The following ATP5F1E variants were observed in gnomAD, a reference collection of about 807,000 sequenced individuals.
ATP5F1E encodes ATP synthase F1 subunit epsilon.
Under a neutral mutation model 7.0 loss-of-function variants are expected in ATP5F1E, and 5 were observed. That is an observed-to-expected ratio of 0.71 (90% CI 0.37 to 1.49). ATP5F1E has a LOEUF of 1.49. ATP5F1E is among the 40% of genes most tolerant of loss of function. The pLI, the probability that ATP5F1E is intolerant of heterozygous loss-of-function variation, is 0.03. For missense variants in ATP5F1E, 59 were observed against 57.1 expected, an observed-to-expected ratio of 1.03 and a Z score of -0.11; for synonymous variants, 20 against 20.1, an observed-to-expected ratio of 0.99 and a Z score of 0.02.
chr20:59,030,548 A>G, intron 1 of ATP5F1E, 119 bp from the exon 2 acceptor site: 1 of 1,305,328 alleles, frequency 7.7e-7, no homozygotes, highest in Non-Finnish European at 1.1e-6. Flanking sequence ...ACCTTATTGT[A>G]GAATTGGATT....
At chr20:59,031,127 G>A (rs965766805) in intron 1 of ATP5F1E, among the ~76,000 whole-genome samples, 7 of 152,188 alleles carry the variant, frequency 4.6e-5, no homozygotes, top group African/African-American at 1.4e-4. Flanking sequence ...GAAGCGGGGA[G>A]GGGTGCTATT....
intron 1 of ATP5F1E, among the ~76,000 whole-genome samples, chr20:59,031,478 T>G (rs2092029000): frequency 6.6e-6 from 1 of 152,170 alleles, no homozygotes; most frequent in African/African-American, 2.4e-5. Context: ...CCACAAAATG[T>G]AAAGTGCTAC....
In ATP5F1E at chr20:59,030,336, G is replaced by A. The variant is rs374487442; in HGVS notation, c.126C>T (p.Asn42=). 125 of 1,613,548 alleles carry A rather than the reference G, an allele frequency of 7.7e-5. No individual in the cohort carries two copies. Among genetic ancestry groups the A allele is most frequent in the South Asian group, 2.0e-4 (18 of 91,084 alleles). ...KANAEKTSGS[N]VKIVKVKKE is the part of the protein sequence containing the mutation. ...CCTTCTTTACTTTCACAATTTTTAC[G>A]TTGCTGCCAGAAGTCTTCTCAGCAT... The change falls in exon 2 of 3, where the codon AAC becomes AAT. Residue 42 remains asparagine, a synonymous_variant. Transcript: ENST00000243997.
chr20:59,031,658 C>T (rs1442682176), intron 1 of ATP5F1E, among the ~76,000 whole-genome samples: 1 of 152,236 alleles, frequency 6.6e-6, no homozygotes, highest in African/African-American at 2.4e-5. Context: ...CAGGAGCCAC[C>T]TCTCATCTTT....
In ATP5F1E at chr20:59,030,604, A is replaced by G. The variant is rs545658435; in HGVS notation, c.33-175T>C. Among the ~76,000 whole-genome samples the G allele has an allele frequency of 3.3e-5, 5 of 152,358 alleles. No homozygotes were observed. The South Asian group carries it at 1.0e-3, about 32-fold the overall frequency. ...AAAAGTATCTATACAAAGAAAAAGA[A>G]CTAGAAAAAAATGTACCAAAGTATT... is the stretch of plus-strand genomic sequence containing the variant. On this transcript the variant is annotated intron_variant, in intron 1 of 2. Transcript: ENST00000243997.
chr20:59,030,576 C>A, intron 1 of ATP5F1E, 147 bp from the exon 2 acceptor site: 3 of 971,096 alleles, frequency 3.1e-6, no homozygotes, highest in South Asian at 1.4e-5. Context: ...ATGACTAATG[C>A]CAAAAAGTAT....
chr20:59,032,187 G>A lies in ATP5F1E; in HGVS notation c.32+33C>T, dbSNP rs539043726. 11 of 1,554,382 alleles carry A rather than the reference G, an allele frequency of 7.1e-6. No individual in the cohort carries two copies. In the South Asian group the frequency reaches 9.5e-5, roughly 13 times the overall value. ...CACCGGGATGCGCGCGGGCCGGCTC[G>A]CGAAGCCCTTCCCTCTGGAGGCCTG... On this transcript the variant is annotated intron_variant, in intron 1 of 2. Transcript: ENST00000243997.
chr20:59,031,121 C>T (rs1001612928), intron 1 of ATP5F1E, among the ~76,000 whole-genome samples: 2 of 152,046 alleles, frequency 1.3e-5, no homozygotes, highest in Admixed American at 1.3e-4. Flanking sequence ...AAACAGGAAG[C>T]GGGGAGGGGT....
Position 59,030,433 on chromosome 20 carries a change from G to A in ATP5F1E, c.33-4C>T, listed in dbSNP as rs879119268. On this transcript the variant is annotated splice_polypyrimidine_tract_variant and splice_region_variant and intron_variant, in intron 1 of 2. Coordinates refer to ENST00000243997, the MANE Select transcript of ATP5F1E (RefSeq NM_006886.4). ...GATCTGGGAGTATCGGATGTAGCTG[G>A]GAGAAAATGAGAGAAGGTATATGGT... is the stretch of plus-strand genomic sequence containing the variant. 1 of 1,613,546 alleles carries A rather than the reference G, an allele frequency of 6.2e-7. No individual in the cohort carries two copies. Among genetic ancestry groups the A allele is most frequent in the Non-Finnish European group, 8.5e-7 (1 of 1,179,690 alleles).
chr20:59,030,301 A>G lies in ATP5F1E; in HGVS notation c.*3+2T>C, dbSNP rs1252776194. 6.2e-7 allele frequency: 1 copy of G among 1,613,402 alleles called. No homozygotes were observed. Among genetic ancestry groups the G allele is most frequent in the Non-Finnish European group, 8.5e-7 (1 of 1,179,588 alleles). On this transcript the variant is annotated splice_donor_variant, in intron 2 of 2. Coordinates refer to ENST00000243997, the MANE Select transcript of ATP5F1E (RefSeq NM_006886.4). LOFTEE classifies it low-confidence loss of function (3UTR_SPLICE). ...GTTCTTCTAAATAAATCCATAACTTACAGATTATTCCTTCTTTACTTTCAC... is the reference window on the plus strand; with the variant it reads ...GTTCTTCTAAATAAATCCATAACTTGCAGATTATTCCTTCTTTACTTTCAC...
intron 1 of ATP5F1E, 93 bp downstream of exon 1, chr20:59,032,127 G>A: frequency 6.6e-7 from 1 of 1,508,730 alleles, no homozygotes; most frequent in Non-Finnish European, 9.0e-7. Context: ...GGTCACGCGT[G>A]GGGCCGCTGC....
intron 1 of ATP5F1E, among the ~76,000 whole-genome samples, chr20:59,031,712 T>TA (rs1181051773): frequency 2.6e-5 from 4 of 151,960 alleles, no homozygotes; most frequent in Non-Finnish European, 5.9e-5. Flanking sequence ...CTTTTAGACA[T>TA]AAGGAAACCT....
rs1400078126 is a variant in ATP5F1E at position 59,028,611 on chromosome 20, T to C, written c.*234A>G. 2 of 165,990 alleles carry C rather than the reference T, an allele frequency of 1.2e-5. No individual in the cohort carries two copies. Among genetic ancestry groups the C allele is most frequent in the South Asian group, 2.1e-4 (1 of 4,836 alleles). 10.3% of individuals were successfully genotyped at this position (165,990 alleles called of 1,614,324 possible). A position where few individuals can be genotyped will look rare whatever the true frequency, so the allele number is the denominator to read the frequency against. ...TGCTTTTAAGAAACCCTGGTTCACA[T>C]GGCCATAATCATGCAGCTGTGCAGA... On this transcript the variant is annotated 3_prime_UTR_variant, in exon 3 of 3. Coordinates refer to ENST00000243997, the MANE Select transcript of ATP5F1E (RefSeq NM_006886.4).
chr20:59,030,409 A>G lies in ATP5F1E; in HGVS notation c.53T>C (p.Ile18Thr), dbSNP rs1239342615. The change falls in exon 2 of 3, where the codon ATC becomes ACC. Residue 18 changes from isoleucine to threonine, a missense_variant. Transcript: ENST00000243997. ...AGLSYIRYSQ[I>T]CAKAVRDALK... ...TGCATCTCTCACTGCTTTTGCACAG[A>G]TCTGGGAGTATCGGATGTAGCTGGG... 17 of 1,613,748 alleles carry G rather than the reference A, an allele frequency of 1.1e-5. No individual in the cohort carries two copies. Among genetic ancestry groups the G allele is most frequent in the Non-Finnish European group, 1.4e-5 (17 of 1,179,872 alleles).
In ATP5F1E at chr20:59,026,008, T is replaced by C. The variant is rs1388442240; in HGVS notation, c.*2837A>G. On this transcript the variant is annotated 3_prime_UTR_variant, in exon 3 of 3. Transcript: ENST00000243997. ...TTTAATGGCCCTCTAGAATTACCAC[T>C]GAGATACACTATTTGATCCATGGAT... 6.6e-6 allele frequency: 1 copy of C among 152,188 alleles called. No homozygotes were observed. The highest frequency in any genetic ancestry group is 1.5e-5 in the Non-Finnish European group (1 of 68,034). The allele number at this position is 152,188 out of a possible 1,614,324, so 9.4% of individuals were successfully genotyped here. A position where few individuals can be genotyped will look rare whatever the true frequency, so the allele number is the denominator to read the frequency against.
At chr20:59,030,758 C>T (rs988615882) in intron 1 of ATP5F1E, among the ~76,000 whole-genome samples, 1 of 152,198 alleles carries the variant, frequency 6.6e-6, no homozygotes, top group African/African-American at 2.4e-5. Context: ...AAAAAAGAGA[C>T]TGAAATGTTT....
At chr20:59,031,999 C>G (rs1429339937) in intron 1 of ATP5F1E, among the ~76,000 whole-genome samples, 3 of 152,270 alleles carry the variant, frequency 2.0e-5, no homozygotes, top group African/African-American at 7.2e-5. Flanking sequence ...GCCGCACCGT[C>G]GGGAAGCGAG....
At chr20:59,031,874 AC>A (rs1239349453) in intron 1 of ATP5F1E, among the ~76,000 whole-genome samples, 1 of 152,232 alleles carries the variant, frequency 6.6e-6, no homozygotes, top group African/African-American at 2.4e-5. Flanking sequence ...TACTACTTTC[AC>A]CACCTGGCTC....
chr20:59,030,449 G>A lies in ATP5F1E; in HGVS notation c.33-20C>T, dbSNP rs777043683. 1.9e-6 allele frequency: 3 copies of A among 1,612,894 alleles called. No homozygotes were observed. Among genetic ancestry groups the A allele is most frequent in the Non-Finnish European group, 1.7e-6 (2 of 1,179,288 alleles). On this transcript the variant is annotated intron_variant, in intron 1 of 2. Coordinates refer to ENST00000243997, the MANE Select transcript of ATP5F1E (RefSeq NM_006886.4). ...ATGTAGCTGGGAGAAAATGAGAGAA[G>A]GTATATGGTTAATTATCAATATTCC...
Sources: gnomAD v4.1 joint callset for allele counts (sites outside exome capture counted in the v4.1 genomes callset) on GRCh38, gnomAD v4.1.1 for gene constraint, MANE v1.5 for transcripts, NCBI Gene and HGNC (gene_info 2026-07-23, HGNC 2026-07-21) for gene names.